TBC1D5: variants seen among roughly 807,000 people sequenced by gnomAD.
The protein encoded by TBC1D5 is TBC1 domain family, member 5.
TBC1D5 carries 75 observed loss-of-function variants against 100.3 expected under a neutral mutation model. The observed-to-expected ratio is 0.75, with a 90% CI of 0.62 to 0.91. The LOEUF (loss-of-function observed/expected upper bound fraction) is 0.91, where lower values mean the gene tolerates loss of function less well. TBC1D5 is among the 40% of genes least tolerant of loss of function. The pLI is 0.00. For synonymous variants in TBC1D5, 323 were observed against 325.6 expected, an observed-to-expected ratio of 0.99 and a Z score of 0.09; for missense variants, 910 against 942.4, an observed-to-expected ratio of 0.97 and a Z score of 0.45.
At chr3:17,284,644 T>TA (rs1242682267) in intron 15 of TBC1D5, among the ~76,000 whole-genome samples, 1 of 152,196 alleles carries the variant, frequency 6.6e-6, no homozygotes, top group East Asian at 1.9e-4. Flanking sequence ...AGGAAAACCT[T>TA]AAAGTATTTT....
chr3:17,218,053 G>C (rs1447584810), intron 17 of TBC1D5, among the ~76,000 whole-genome samples: 1 of 151,988 alleles, frequency 6.6e-6, no homozygotes, highest in African/African-American at 2.4e-5. Flanking sequence ...AGTAGCTCAA[G>C]TTCATTCTTT....
At chr3:17,662,043 A>C (rs1274500881) in intron 1 of TBC1D5, among the ~76,000 whole-genome samples, 2 of 152,020 alleles carry the variant, frequency 1.3e-5, no homozygotes, top group African/African-American at 4.8e-5. Flanking sequence ...GCTATGCACC[A>C]CATGTCCAGC....
chr3:17,284,241 C>T (rs1316053471), intron 15 of TBC1D5, among the ~76,000 whole-genome samples: 1 of 152,110 alleles, frequency 6.6e-6, no homozygotes, highest in Non-Finnish European at 1.5e-5. Flanking sequence ...CCTCAGCCTC[C>T]CAAGTAGCTG....
chr3:17,561,324 G>C (rs1449478663), intron 2 of TBC1D5, among the ~76,000 whole-genome samples: 1 of 152,074 alleles, frequency 6.6e-6, no homozygotes, highest in East Asian at 1.9e-4. Context: ...TAAAAACTTA[G>C]AGGGTTCAAT....
chr3:17,586,576 A>C (rs539393415), intron 2 of TBC1D5: 11 of 152,164 alleles, frequency 7.2e-5, no homozygotes, highest in Non-Finnish European at 1.6e-4. Context: ...ATAAATAAAT[A>C]AAATAGCTGC....
chr3:17,685,892 G>T (rs1043944288), intron 1 of TBC1D5, among the ~76,000 whole-genome samples: 2 of 152,068 alleles, frequency 1.3e-5, no homozygotes, highest in Non-Finnish European at 2.9e-5. Flanking sequence ...ATAATAAGAA[G>T]AGCCTTAATT....
At chr3:17,700,263 A>G (rs1208506084) in intron 1 of TBC1D5, among the ~76,000 whole-genome samples, 1 of 152,148 alleles carries the variant, frequency 6.6e-6, no homozygotes, top group East Asian at 1.9e-4. Context: ...TGCTGGGAAA[A>G]CTGGCTAGCC....
chr3:17,563,218 G>C (rs932982120), intron 2 of TBC1D5, among the ~76,000 whole-genome samples: 7 of 152,172 alleles, frequency 4.6e-5, no homozygotes, highest in African/African-American at 1.7e-4. Context: ...TTTAATTCTA[G>C]ACTCGTCAAA....
intron 2 of TBC1D5, among the ~76,000 whole-genome samples, chr3:17,595,279 G>A (rs979853167): frequency 3.3e-5 from 5 of 152,058 alleles, no homozygotes; most frequent in African/African-American, 7.2e-5. Flanking sequence ...TAGAGAACCC[G>A]AATACACTGG....
intron 13 of TBC1D5, among the ~76,000 whole-genome samples, chr3:17,342,906 T>C (rs1010439116): frequency 1.3e-5 from 2 of 152,206 alleles, no homozygotes; most frequent in African/African-American, 4.8e-5. Context: ...ATTAAATTAT[T>C]CCTCTATTTT....
chr3:17,345,256 A>G (rs2089689766), intron 13 of TBC1D5, among the ~76,000 whole-genome samples: 1 of 152,230 alleles, frequency 6.6e-6, no homozygotes, highest in African/African-American at 2.4e-5. Context: ...ATAAGTGGGC[A>G]AAGGATATGA....
At chr3:17,245,957 G>A (rs1576247289) in intron 16 of TBC1D5, among the ~76,000 whole-genome samples, 1 of 152,120 alleles carries the variant, frequency 6.6e-6, no homozygotes, top group African/African-American at 2.4e-5. Flanking sequence ...ATGAGAAAGG[G>A]AAGAGAGTAT....
intron 15 of TBC1D5, among the ~76,000 whole-genome samples, chr3:17,261,634 C>T (rs1405084832): frequency 6.6e-6 from 1 of 152,092 alleles, no homozygotes; most frequent in Non-Finnish European, 1.5e-5. Flanking sequence ...GTGATCCTCC[C>T]ACCTCAGCCT....
chr3:17,305,163 C>A (rs283944), intron 14 of TBC1D5, among the ~76,000 whole-genome samples: 89,981 of 151,794 alleles, frequency 0.59, 27,322 homozygotes, highest in East Asian at 0.99. Flanking sequence ...GGACTTTTCT[C>A]GCCTTGTGTT....
In TBC1D5 at chr3:17,308,178, G is replaced by A. The variant is rs191491303; in HGVS notation, c.996-44C>T. On this transcript the variant is annotated intron_variant, in intron 13 of 21. Transcript: ENST00000253692. ...AAAATTCAGAAGACAGTACTTTTGA[G>A]AATAAAGAGTGATCATTTTCTCAAG... The A allele has an allele frequency of 1.5e-5, 23 of 1,500,344 alleles. No individual in the cohort carries two copies. In the East Asian group the frequency reaches 5.3e-4, roughly 34 times the overall value. The allele number at this position is 1,500,344 out of a possible 1,614,324, so 92.9% of individuals were successfully genotyped here.
chr3:17,632,343 CA>C (rs768219039), intron 1 of TBC1D5, among the ~76,000 whole-genome samples: 79 of 152,018 alleles, frequency 5.2e-4, no homozygotes, highest in Admixed American at 2.3e-3. Flanking sequence ...TATGGATGAG[CA>C]AAAAAGTAGT....
intron 2 of TBC1D5, among the ~76,000 whole-genome samples, chr3:17,525,691 G>A (rs971964299): frequency 2.6e-5 from 4 of 151,678 alleles, no homozygotes; most frequent in East Asian, 1.9e-4. Flanking sequence ...TGTCTTTCAC[G>A]ATCTACCCAC....
At chr3:17,161,110 T>A in exon 22 of TBC1D5, 1 of 1,614,158 alleles carries the variant, frequency 6.2e-7, no homozygotes, top group Middle Eastern at 1.6e-4. Context: ...GGGCCTGGCT[T>A]TTCCCAGAGG....
At chr3:17,607,774 C>T (rs2061426184) in intron 2 of TBC1D5, among the ~76,000 whole-genome samples, 1 of 152,034 alleles carries the variant, frequency 6.6e-6, no homozygotes, top group Non-Finnish European at 1.5e-5. Flanking sequence ...TAACAGTCCT[C>T]CTTGTTTCTG....
Sources: allele counts gnomAD v4.1 joint callset (sites outside exome capture counted in the v4.1 genomes callset), GRCh38; gene constraint gnomAD v4.1.1; transcripts MANE v1.5; gene names NCBI Gene and HGNC (gene_info 2026-07-23, HGNC 2026-07-21).